The following BANK1 variants were observed in gnomAD, a reference collection of about 807,000 sequenced individuals.
BANK1 encodes B-cell scaffold protein with ankyrin repeats.
BANK1 carries 95 observed loss-of-function variants against 94.5 expected under a neutral mutation model. The ratio of observed to expected loss-of-function variants is 1.00; its 90% CI spans 0.85 to 1.19. The LOEUF (loss-of-function observed/expected upper bound fraction) is 1.19. Ranked by LOEUF, BANK1 falls within the 50% of genes most tolerant of loss-of-function variation. The pLI, the probability that BANK1 is intolerant of heterozygous loss-of-function variation, is 0.00. For missense variants in BANK1, 987 were observed against 932.2 expected, an observed-to-expected ratio of 1.06 and a Z score of -0.77; for synonymous variants, 334 against 308.4, an observed-to-expected ratio of 1.08 and a Z score of -0.87.
At chr4:101,838,392 A>AG (rs1159387901) in intron 2 of BANK1, among the ~76,000 whole-genome samples, 8 of 152,224 alleles carry the variant, frequency 5.3e-5, no homozygotes, top group Admixed American at 5.2e-4. Context: ...TTAACAACTT[A>AG]GAAGTTAGCT....
intron 7 of BANK1, among the ~76,000 whole-genome samples, chr4:101,949,810 CAG>C (rs1424001614): frequency 6.6e-6 from 1 of 152,102 alleles, no homozygotes; most frequent in Non-Finnish European, 1.5e-5. Context: ...CACAAGCACT[CAG>C]TGTTAATTGA....
intron 10 of BANK1, among the ~76,000 whole-genome samples, chr4:102,040,675 G>A (rs1166784473): frequency 6.6e-6 from 1 of 151,994 alleles, no homozygotes; most frequent in Non-Finnish European, 1.5e-5. Context: ...TCATTTTTAT[G>A]TTAGTCTAAG....
chr4:102,065,685 A>G (rs1335015214), intron 13 of BANK1, among the ~76,000 whole-genome samples: 1 of 152,082 alleles, frequency 6.6e-6, no homozygotes, highest in Non-Finnish European at 1.5e-5. Context: ...AAAGGAGAGA[A>G]TAAATAGGGA....
At chr4:101,961,812 C>T (rs1006487800) in intron 7 of BANK1, among the ~76,000 whole-genome samples, 1 of 152,158 alleles carries the variant, frequency 6.6e-6, no homozygotes, top group African/African-American at 2.4e-5. Flanking sequence ...CCTTACCCTT[C>T]ATCTCTCAAC....
intron 1 of BANK1, among the ~76,000 whole-genome samples, chr4:101,791,726 T>G (rs1185983513): frequency 2.0e-5 from 3 of 152,236 alleles, no homozygotes; most frequent in Non-Finnish European, 2.9e-5. Flanking sequence ...TTTCTTAATT[T>G]GCTGAATAGA....
chr4:101,963,767 C>T (rs945322980), intron 7 of BANK1, among the ~76,000 whole-genome samples: 11 of 152,150 alleles, frequency 7.2e-5, no homozygotes, highest in South Asian at 2.1e-4. Context: ...ATCATTTACC[C>T]GAGGCCTTTT....
At chr4:102,039,150 C>T (rs1331884091) in intron 10 of BANK1, among the ~76,000 whole-genome samples, 1 of 152,088 alleles carries the variant, frequency 6.6e-6, no homozygotes, top group African/African-American at 2.4e-5. Context: ...ATGCAGTAAA[C>T]TGGTTTCAGG....
At chr4:101,855,262 A>G in intron 3 of BANK1, 73 bp downstream of exon 3, 1 of 1,465,844 alleles carries the variant, frequency 6.8e-7, no homozygotes, top group Non-Finnish European at 9.3e-7. Context: ...TGTTGTTTGG[A>G]GAGACAGGGT....
intron 11 of BANK1, among the ~76,000 whole-genome samples, chr4:102,052,528 A>G (rs1466639006): frequency 1.3e-5 from 2 of 152,154 alleles, no homozygotes; most frequent in African/African-American, 2.4e-5. Flanking sequence ...TACTTCTGTT[A>G]ATGATTTATT....
At chr4:101,815,702 T>G (rs1385647614) in intron 1 of BANK1, among the ~76,000 whole-genome samples, 2 of 152,134 alleles carry the variant, frequency 1.3e-5, no homozygotes, top group East Asian at 3.8e-4. Context: ...ATACTTTAAG[T>G]ACTCTGTTAA....
chr4:101,984,965 C>T (rs1725435255), intron 7 of BANK1, among the ~76,000 whole-genome samples: 1 of 151,982 alleles, frequency 6.6e-6, no homozygotes, highest in African/African-American at 2.4e-5. Flanking sequence ...TGTATACAAT[C>T]TGTATTAGAT....
intron 7 of BANK1, among the ~76,000 whole-genome samples, chr4:101,949,280 C>T (rs1724050426): frequency 6.6e-6 from 1 of 152,104 alleles, no homozygotes; most frequent in Non-Finnish European, 1.5e-5. Context: ...AAAAAGAAAG[C>T]AAAGATATGC....
At chr4:101,852,840 C>A (rs1162916179) in intron 2 of BANK1, among the ~76,000 whole-genome samples, 1 of 151,898 alleles carries the variant, frequency 6.6e-6, no homozygotes, top group Non-Finnish European at 1.5e-5. Flanking sequence ...GTGATTATGT[C>A]CCCAGGGTAA....
At chr4:102,022,579 T>C (rs530743484) in intron 8 of BANK1, among the ~76,000 whole-genome samples, 1 of 152,156 alleles carries the variant, frequency 6.6e-6, no homozygotes, top group Non-Finnish European at 1.5e-5. Flanking sequence ...TCTATTGTTA[T>C]GACTCAGGAG....
intron 2 of BANK1, among the ~76,000 whole-genome samples, chr4:101,836,218 C>T (rs969544416): frequency 2.0e-5 from 3 of 152,232 alleles, no homozygotes; most frequent in Admixed American, 2.0e-4. Flanking sequence ...CGGTGGCTCA[C>T]GCCTGTAATC....
intron 7 of BANK1, among the ~76,000 whole-genome samples, chr4:101,940,419 C>T (rs1331453936): frequency 6.6e-6 from 1 of 151,702 alleles, no homozygotes; most frequent in African/African-American, 2.4e-5. Flanking sequence ...ATGCTTGCCT[C>T]AATTAATGAA....
Position 101,849,194 on chromosome 4 carries a change from G to GTAC in BANK1, c.470-5839_470-5837dup, listed in dbSNP as rs149430048. Among the ~76,000 whole-genome samples, 990 of 152,272 alleles carry GTAC rather than the reference G, an allele frequency of 6.5e-3. 11 individuals carry two copies. Among genetic ancestry groups the GTAC allele is most frequent in the African/African-American group, 0.023 (952 of 41,544 alleles). On this transcript the variant is annotated intron_variant, in intron 2 of 16. Transcript: ENST00000322953. ...TAGGCCTTTCTCAAAGAGAGGTTTG[G>GTAC]TACTTTTTTACTCTTAATCCGCTTC...
intron 7 of BANK1, among the ~76,000 whole-genome samples, chr4:101,947,708 G>A (rs1423743091): frequency 6.6e-6 from 1 of 151,842 alleles, no homozygotes; most frequent in East Asian, 1.9e-4. Context: ...TTAATATCCA[G>A]TCTTCTGAAT....
intron 5 of BANK1, among the ~76,000 whole-genome samples, chr4:101,888,924 C>A (rs1721733856): frequency 6.6e-6 from 1 of 152,092 alleles, no homozygotes; most frequent in Non-Finnish European, 1.5e-5. Flanking sequence ...CCTCTCGATG[C>A]CATTTTGCTC....
Sources: gnomAD v4.1 joint callset for allele counts (sites outside exome capture counted in the v4.1 genomes callset) on GRCh38, gnomAD v4.1.1 for gene constraint, MANE v1.5 for transcripts, NCBI Gene and HGNC (gene_info 2026-07-23, HGNC 2026-07-21) for gene names.